The following MYO10 variants were observed in gnomAD, a reference collection of about 807,000 sequenced individuals.
MYO10 encodes myosin X.
Under a neutral mutation model 257.3 loss-of-function variants are expected in MYO10, and 133 were observed. The ratio of observed to expected loss-of-function variants is 0.52; its 90% CI spans 0.45 to 0.60. The LOEUF (loss-of-function observed/expected upper bound fraction) is 0.60, where lower values mean the gene tolerates loss of function less well. MYO10 is among the 20% of genes least tolerant of loss of function. The pLI, the probability that MYO10 is intolerant of heterozygous loss-of-function variation, is 0.00. For missense variants in MYO10, 2,399 were observed against 2,635.7 expected (o/e 0.91, Z 1.97); for synonymous variants, 1,104 against 1,028.6 (o/e 1.07, Z -1.40).
chr5:16,812,502 G>A (rs1263898786), intron 3 of MYO10, among the ~76,000 whole-genome samples: 3 of 152,164 alleles, frequency 2.0e-5, no homozygotes, highest in Non-Finnish European at 4.4e-5. Flanking sequence ...ACCCAAGCCT[G>A]TGTCATCATC....
chr5:16,892,335 C>A (rs1215258613), intron 1 of MYO10, among the ~76,000 whole-genome samples: 1 of 152,160 alleles, frequency 6.6e-6, no homozygotes, highest in African/African-American at 2.4e-5. Flanking sequence ...AGACGGCTAA[C>A]CAAAATGCTT....
chr5:16,820,780 G>C (rs1179538264), intron 2 of MYO10, among the ~76,000 whole-genome samples: 1 of 151,534 alleles, frequency 6.6e-6, no homozygotes, highest in Non-Finnish European at 1.5e-5. Context: ...TAATACTTAA[G>C]ACACTACAAA....
intron 19 of MYO10, chr5:16,738,424 C>CA: frequency 1.0e-6 from 1 of 985,260 alleles, no homozygotes; most frequent in Non-Finnish European, 1.2e-6. Flanking sequence ...AGAAAATAGT[C>CA]ACAGACTCTT....
chr5:16,689,704 C>CA (rs922543175), intron 28 of MYO10, 120 bp downstream of exon 28: 18 of 743,872 alleles, frequency 2.4e-5, no homozygotes, highest in Non-Finnish European at 3.6e-5. Context: ...CTTGGTTCTT[C>CA]AAAAAAAGTC....
At chr5:16,682,751 G>A (rs988259101) in intron 30 of MYO10, among the ~76,000 whole-genome samples, 1 of 151,754 alleles carries the variant, frequency 6.6e-6, no homozygotes, top group Admixed American at 6.6e-5. Context: ...GCAGGACACA[G>A]GAAAAGCTAT....
At chr5:16,875,850 G>T (rs1744584977) in intron 2 of MYO10, among the ~76,000 whole-genome samples, 1 of 152,188 alleles carries the variant, frequency 6.6e-6, no homozygotes, top group Admixed American at 6.5e-5. Flanking sequence ...TTTGGCCAGG[G>T]ATGGTGGCTC....
At chr5:16,725,402 A>G (rs930645383) in intron 19 of MYO10, among the ~76,000 whole-genome samples, 2 of 151,962 alleles carry the variant, frequency 1.3e-5, no homozygotes, top group Admixed American at 6.6e-5. Context: ...CCAAAATACT[A>G]CATCTTAAAT....
chr5:16,873,829 C>A (rs1744514880), intron 2 of MYO10, among the ~76,000 whole-genome samples: 1 of 152,140 alleles, frequency 6.6e-6, no homozygotes, highest in Non-Finnish European at 1.5e-5. Flanking sequence ...GGAGACAGGG[C>A]ACCAAGTCCC....
chr5:16,871,972 C>T (rs1295062879), intron 2 of MYO10, among the ~76,000 whole-genome samples: 5 of 152,262 alleles, frequency 3.3e-5, no homozygotes, highest in South Asian at 2.1e-4. Flanking sequence ...CAAGGCTCAG[C>T]GTTGTTTTCA....
chr5:16,893,647 A>AAAAAG, intron 1 of MYO10, among the ~76,000 whole-genome samples: 1 of 148,876 alleles, frequency 6.7e-6, no homozygotes, highest in African/African-American at 2.6e-5. Flanking sequence ...AAAAAAAAAA[A>AAAAAG]AAAAAGAAAA....
chr5:16,842,216 G>A (rs1743503630), intron 2 of MYO10, among the ~76,000 whole-genome samples: 1 of 152,184 alleles, frequency 6.6e-6, no homozygotes, highest in African/African-American at 2.4e-5. Context: ...GATGGAGGTA[G>A]AAGTTGTATG....
At chr5:16,713,988 C>T (rs1261147882) in intron 19 of MYO10, among the ~76,000 whole-genome samples, 19 of 152,144 alleles carry the variant, frequency 1.2e-4, no homozygotes, top group Non-Finnish European at 2.8e-4. Context: ...AGGGCAATTA[C>T]AGTCACTTGA....
chr5:16,723,194 C>A (rs1326898859), intron 19 of MYO10, among the ~76,000 whole-genome samples: 1 of 151,826 alleles, frequency 6.6e-6, no homozygotes, highest in African/African-American at 2.4e-5. Flanking sequence ...ACCATCCTGG[C>A]TAACACAGTG....
intron 3 of MYO10, among the ~76,000 whole-genome samples, chr5:16,804,043 G>A (rs758971438): frequency 5.3e-5 from 8 of 152,212 alleles, no homozygotes; most frequent in Non-Finnish European, 8.8e-5. Flanking sequence ...CACGGAGCCC[G>A]TGAGTCAGAG....
Position 16,779,565 on chromosome 5 carries a change from C to G in MYO10, c.910G>C (p.Glu304Gln). Reference protein sequence around the residue: ...CVEDKTISDQESFREVITAMD... With the variant: ...CVEDKTISDQQSFREVITAMD... The stretch of plus-strand genomic sequence containing the variant: ...CTTACAATAACTTCCCTAAAGGATT[C>G]CTGGTCACTGATTGTCTTGTCTTCT... Residue 304 changes from glutamate (E) to glutamine (Q), a missense_variant, in exon 9 of 41, where the codon GAA becomes CAA. By Grantham distance (29) the Glu-to-Gln change is conservative. Transcript: ENST00000513610. 6.3e-7 allele frequency: 1 copy of G among 1,583,262 alleles called. No individual in the cohort carries two copies. The highest frequency in any genetic ancestry group is 8.6e-7 in the Non-Finnish European group (1 of 1,167,948).
chr5:16,868,519 G>T (rs1353697012), intron 2 of MYO10, among the ~76,000 whole-genome samples: 1 of 152,034 alleles, frequency 6.6e-6, no homozygotes, highest in African/African-American at 2.4e-5. Flanking sequence ...CAGGAGAATC[G>T]CTTGAACCCG....
rs1454622468 is a variant in MYO10, at chr5:16,829,200, G to A, written c.121-11033C>T. ...CACGGGGCATCTGTGGTTGAGCGTG[G>A]CTGCAGCAGGGGCTGACTTGGGAAG... On this transcript the variant is annotated intron_variant, in intron 2 of 40. Transcript: ENST00000513610. Among the ~76,000 whole-genome samples the A allele has an allele frequency of 2.0e-5, 3 of 152,182 alleles. No individual in the cohort carries two copies. The South Asian group carries it at 6.2e-4, about 31-fold the overall frequency.
intron 2 of MYO10, among the ~76,000 whole-genome samples, chr5:16,855,065 A>G (rs924195307): frequency 6.6e-6 from 1 of 152,032 alleles, no homozygotes; most frequent in Non-Finnish European, 1.5e-5. Flanking sequence ...GTTGCTTTGT[A>G]TTTCAGACCA....
chr5:16,708,692 G>C (rs1034054757), intron 21 of MYO10, among the ~76,000 whole-genome samples: 1 of 152,186 alleles, frequency 6.6e-6, no homozygotes, highest in Admixed American at 6.5e-5. Flanking sequence ...CACGCGAGTA[G>C]CTGGGACTAT....
Sources: allele counts gnomAD v4.1 joint callset (sites outside exome capture counted in the v4.1 genomes callset), GRCh38; gene constraint gnomAD v4.1.1; transcripts MANE v1.5; gene names NCBI Gene and HGNC (gene_info 2026-07-23, HGNC 2026-07-21).